Variants in GMDS observed in about 807,000 individuals in gnomAD.
GMDS encodes the protein GDP-mannose 4,6 dehydratase.
GMDS carries 20 observed loss-of-function variants against 49.9 expected under a neutral mutation model. The observed-to-expected ratio is 0.40, with a 90% CI of 0.28 to 0.58. The LOEUF (loss-of-function observed/expected upper bound fraction) is 0.58. Among genes scored for constraint, GMDS ranks in the 20% least tolerant of loss-of-function variants. The pLI is 0.42. For synonymous variants in GMDS, 177 were observed against 178.6 expected, an observed-to-expected ratio of 0.99 and a Z score of 0.07; for missense variants, 362 against 481.4, an observed-to-expected ratio of 0.75 and a Z score of 2.32.
intron 9 of GMDS, among the ~76,000 whole-genome samples, chr6:1,715,608 T>C (rs1766146397): frequency 6.6e-6 from 1 of 152,148 alleles, no homozygotes; most frequent in African/African-American, 2.4e-5. Flanking sequence ...ATTGCATCAG[T>C]TTTTTCAACA....
chr6:1,831,004 T>C (rs1004738842), intron 7 of GMDS, among the ~76,000 whole-genome samples: 13 of 152,346 alleles, frequency 8.5e-5, no homozygotes, highest in African/African-American at 2.9e-4. Context: ...CACATAAACA[T>C]GATTATCTTG....
Position 2,186,266 on chromosome 6 carries a change from T to C in GMDS, c.102+59055A>G, listed in dbSNP as rs1296441893. 2.0e-5 allele frequency among the ~76,000 whole-genome samples: 3 copies of C among 152,362 alleles called. No individual in the cohort carries two copies. The East Asian group carries it at 5.8e-4, about 29-fold the overall frequency. On this transcript the variant is annotated intron_variant, in intron 1 of 10. Coordinates refer to ENST00000380815, the MANE Select transcript of GMDS (RefSeq NM_001500.4). Reference sequence around the variant, plus strand: ...TTAATGTACAATGTTAATAGAATACTGTTTGTGTAGCAATTCAAAAATCAC... The same window carrying C: ...TTAATGTACAATGTTAATAGAATACCGTTTGTGTAGCAATTCAAAAATCAC...
rs534827876 is a variant in GMDS, at chr6:1,787,078, A to C, written c.772-44492T>G. Among the ~76,000 whole-genome samples the C allele has an allele frequency of 2.6e-5, 4 of 152,336 alleles. No individual in the cohort carries two copies. In the South Asian group the frequency reaches 8.3e-4, roughly 32 times the overall value. On this transcript the variant is annotated intron_variant, in intron 7 of 10. Transcript: ENST00000380815. Reference sequence around the variant, plus strand: ...CAAAACTAAAGTTTCCCACTTAATAAAAGCGAAAGGCTAATAGACTTGAAC... The same window carrying C: ...CAAAACTAAAGTTTCCCACTTAATACAAGCGAAAGGCTAATAGACTTGAAC...
chr6:1,757,219 G>T (rs963688066), intron 7 of GMDS, among the ~76,000 whole-genome samples: 1 of 152,094 alleles, frequency 6.6e-6, no homozygotes, highest in East Asian at 1.9e-4. Context: ...AACTCACGAC[G>T]CATACACCTG....
intron 7 of GMDS, among the ~76,000 whole-genome samples, chr6:1,767,889 G>C (rs886525203): frequency 6.6e-6 from 1 of 151,904 alleles, no homozygotes; most frequent in Non-Finnish European, 1.5e-5. Context: ...GTTAATCCCG[G>C]CTCTAAGCTG....
intron 7 of GMDS, among the ~76,000 whole-genome samples, chr6:1,840,847 G>A (rs767797088): frequency 1.1e-4 from 17 of 152,182 alleles, no homozygotes; most frequent in Non-Finnish European, 2.2e-4. Flanking sequence ...AACAGCGTTC[G>A]GGTTGGTTAA....
chr6:1,702,585 G>A lies in GMDS; in HGVS notation c.987+23831C>T, dbSNP rs141611734. 3.2e-4 allele frequency among the ~76,000 whole-genome samples: 48 copies of A among 152,374 alleles called. No homozygotes were observed. The East Asian group carries it at 9.1e-3, about 29-fold the overall frequency. Reference sequence around the variant, plus strand: ...GGAAGATAACAGAGAGCCTTGGAGAGAAGCCACCACGTTGTCCCTCTGTGG... The same window carrying A: ...GGAAGATAACAGAGAGCCTTGGAGAAAAGCCACCACGTTGTCCCTCTGTGG... On this transcript the variant is annotated intron_variant, in intron 9 of 10. Coordinates refer to ENST00000380815, the MANE Select transcript of GMDS (RefSeq NM_001500.4).
intron 7 of GMDS, among the ~76,000 whole-genome samples, chr6:1,903,877 A>G (rs533235975): frequency 6.6e-6 from 1 of 152,292 alleles, no homozygotes; most frequent in Admixed American, 6.5e-5. Flanking sequence ...GCCACCAGGC[A>G]GCTTGCTACT....
chr6:2,137,764 A>G (rs114106604), intron 1 of GMDS, among the ~76,000 whole-genome samples: 296 of 152,350 alleles, frequency 1.9e-3, no homozygotes, highest in Admixed American at 4.2e-3. Flanking sequence ...TCCACCAACA[A>G]GTGCTGCTAA....
chr6:1,672,785 G>C (rs1349719558), intron 9 of GMDS, among the ~76,000 whole-genome samples: 1 of 152,178 alleles, frequency 6.6e-6, no homozygotes, highest in Non-Finnish European at 1.5e-5. Context: ...AAAATTCTGG[G>C]GTTAACTGTG....
intron 4 of GMDS, among the ~76,000 whole-genome samples, chr6:2,039,488 T>G (rs1769518406): frequency 6.6e-6 from 1 of 152,204 alleles, no homozygotes; most frequent in African/African-American, 2.4e-5. Flanking sequence ...CTTTGTAATA[T>G]TACATAGCTG....
chr6:1,627,837 A>G (rs1038483112), intron 9 of GMDS, among the ~76,000 whole-genome samples: 2 of 152,250 alleles, frequency 1.3e-5, no homozygotes, highest in African/African-American at 4.8e-5. Flanking sequence ...TGTGAATATG[A>G]CATTTCCTGA....
At chr6:1,681,708 C>A (rs2113308825) in intron 9 of GMDS, among the ~76,000 whole-genome samples, 1 of 152,320 alleles carries the variant, frequency 6.6e-6, no homozygotes, top group Non-Finnish European at 1.5e-5. Flanking sequence ...TTCAAAACAC[C>A]ACTCAGTGTG....
At chr6:1,968,863 G>A (rs1268459974) in intron 4 of GMDS, among the ~76,000 whole-genome samples, 1 of 152,078 alleles carries the variant, frequency 6.6e-6, no homozygotes, top group African/African-American at 2.4e-5. Context: ...TACAGCAGCA[G>A]GGCCCTTGAC....
At chr6:1,649,213 G>A (rs1763578674) in intron 9 of GMDS, among the ~76,000 whole-genome samples, 1 of 152,202 alleles carries the variant, frequency 6.6e-6, no homozygotes, top group Admixed American at 6.5e-5. Context: ...CTGTCAGGAA[G>A]TAAGCTTGGG....
At chr6:2,154,863 C>CAAAAAAAAAAAAAAAAAA (rs70992124) in intron 1 of GMDS, among the ~76,000 whole-genome samples, 16 of 65,622 alleles carry the variant, frequency 2.4e-4, no homozygotes, top group Non-Finnish European at 3.3e-4. Context: ...TGAAGAGATG[C>CAAAAAAAAAAAAAAAAAA]AAAAAAAAAA....
intron 4 of GMDS, among the ~76,000 whole-genome samples, chr6:2,006,364 G>T (rs1389082955): frequency 1.3e-5 from 2 of 151,806 alleles, no homozygotes; most frequent in South Asian, 2.1e-4. Context: ...GGATATTGAC[G>T]TTGCAGTGAG....
intron 1 of GMDS, chr6:2,175,931 C>G (rs1205079437): frequency 2.8e-6 from 4 of 1,406,290 alleles, no homozygotes; most frequent in Non-Finnish European, 3.9e-6. Flanking sequence ...TATTTTCTCA[C>G]CATTTTACAC....
At chr6:1,923,633 G>A (rs143484677) in intron 7 of GMDS, among the ~76,000 whole-genome samples, 4 of 152,324 alleles carry the variant, frequency 2.6e-5, no homozygotes, top group East Asian at 1.9e-4. Context: ...TCCCGCACTC[G>A]CTCACTCACG....
Sources: gnomAD v4.1 joint callset for allele counts (sites outside exome capture counted in the v4.1 genomes callset) on GRCh38, gnomAD v4.1.1 for gene constraint, MANE v1.5 for transcripts, NCBI Gene and HGNC (gene_info 2026-07-23, HGNC 2026-07-21) for gene names.